The following WWOX variants were observed in gnomAD, a reference collection of about 807,000 sequenced individuals.
WWOX encodes the protein WW domain-containing oxidoreductase.
A neutral mutation model predicts 46.2 loss-of-function variants in WWOX; 69 were observed. The ratio of observed to expected loss-of-function variants is 1.49; its 90% CI spans 1.23 to 1.82. WWOX has a LOEUF of 1.82. WWOX is among the 40% of genes most tolerant of loss of function. The pLI is 0.00. For synonymous variants in WWOX, 359 were observed against 202.6 expected (o/e 1.77, Z -6.56); for missense variants, 919 against 542.6 (o/e 1.69, Z -6.89).
chr16:78,288,909 C>A (rs2079814227), intron 5 of WWOX, among the ~76,000 whole-genome samples: 1 of 152,090 alleles, frequency 6.6e-6, no homozygotes, highest in Admixed American at 6.6e-5. Flanking sequence ...ATCCTGGGGG[C>A]AGAAGAACAA....
At chr16:78,138,800 G>T (rs776810061) in intron 4 of WWOX, among the ~76,000 whole-genome samples, 1 of 152,150 alleles carries the variant, frequency 6.6e-6, no homozygotes, top group African/African-American at 2.4e-5. Flanking sequence ...TGCTTAATGC[G>T]CCACTCCACG....
At chr16:78,813,692 C>A (rs755720276) in intron 8 of WWOX, among the ~76,000 whole-genome samples, 1 of 152,042 alleles carries the variant, frequency 6.6e-6, no homozygotes, top group African/African-American at 2.4e-5. Context: ...CACATTCATT[C>A]GATGTTTGTT....
chr16:78,947,224 C>G (rs542980172), intron 8 of WWOX, among the ~76,000 whole-genome samples: 6 of 152,096 alleles, frequency 3.9e-5, no homozygotes, highest in African/African-American at 1.4e-4. Flanking sequence ...CAACTGGAGG[C>G]CTGCAAATGA....
At chr16:78,434,424 C>T (rs1388514917) in intron 8 of WWOX, among the ~76,000 whole-genome samples, 1 of 152,164 alleles carries the variant, frequency 6.6e-6, no homozygotes, top group Non-Finnish European at 1.5e-5. Context: ...GGTTATGCCT[C>T]ATACTTTGTT....
intron 8 of WWOX, among the ~76,000 whole-genome samples, chr16:78,684,028 T>G (rs897852625): frequency 6.6e-6 from 1 of 152,218 alleles, no homozygotes. Context: ...CTGCTGCTGC[T>G]GGATTTATTC....
At chr16:78,979,611 T>C (rs926666249) in intron 8 of WWOX, among the ~76,000 whole-genome samples, 2 of 152,144 alleles carry the variant, frequency 1.3e-5, no homozygotes, top group Admixed American at 1.3e-4. Flanking sequence ...AATGGGAGTT[T>C]CTACCGATGC....
At chr16:78,314,522 T>G (rs2080315411) in intron 5 of WWOX, among the ~76,000 whole-genome samples, 1 of 142,860 alleles carries the variant, frequency 7.0e-6, no homozygotes, top group Admixed American at 7.0e-5. Flanking sequence ...TGCCAATTTG[T>G]GGGGTTTTTT....
At chr16:78,289,862 C>T (rs1258491597) in intron 5 of WWOX, among the ~76,000 whole-genome samples, 1 of 139,848 alleles carries the variant, frequency 7.2e-6, no homozygotes, top group Admixed American at 7.5e-5. Flanking sequence ...GTTTTACTGG[C>T]CTACAGTGTC....
chr16:78,880,536 C>G (rs766236141), intron 8 of WWOX, among the ~76,000 whole-genome samples: 1 of 152,186 alleles, frequency 6.6e-6, no homozygotes, highest in South Asian at 2.1e-4. Context: ...ATAAGATGAA[C>G]ATTAAACAAA....
chr16:78,419,010 A>G (rs368357826), intron 6 of WWOX, among the ~76,000 whole-genome samples: 17 of 152,360 alleles, frequency 1.1e-4, no homozygotes, highest in African/African-American at 2.9e-4. Context: ...AAGTAAAACT[A>G]TCTTTATTTG....
In WWOX at chr16:79,197,177, C is replaced by G. The variant is rs191067732; in HGVS notation, c.1057-14431C>G. ...TGTACCATTCTGTCCTTCAGGTACC[C>G]TAAGCTGGTTTGGGTTTATACATTC... On this transcript the variant is annotated intron_variant, in intron 8 of 8. Coordinates refer to ENST00000566780, the MANE Select transcript of WWOX (RefSeq NM_016373.4). Among the ~76,000 whole-genome samples the G allele has an allele frequency of 1.4e-3, 219 of 152,252 alleles. 2 individuals carry two copies. Among genetic ancestry groups the G allele is most frequent in the Non-Finnish European group, 2.1e-3 (141 of 68,018 alleles).
At chr16:78,890,901 T>G (rs889908423) in intron 8 of WWOX, 4 of 152,202 alleles carry the variant, frequency 2.6e-5, no homozygotes, top group Admixed American at 6.5e-5. Context: ...ACTTAATAAC[T>G]GAATCAATCT....
intron 8 of WWOX, among the ~76,000 whole-genome samples, chr16:78,901,679 C>T (rs1035242143): frequency 2.1e-4 from 32 of 152,110 alleles, no homozygotes; most frequent in African/African-American, 6.8e-4. Context: ...TGTAGTAACA[C>T]GGTTTTTTCA....
At chr16:79,020,292 T>G (rs1335286992) in intron 8 of WWOX, among the ~76,000 whole-genome samples, 2 of 152,158 alleles carry the variant, frequency 1.3e-5, no homozygotes, top group Admixed American at 6.5e-5. Flanking sequence ...ATGGAAGACT[T>G]CTTAGGGAGG....
At chr16:78,907,780 C>G (rs949714682) in intron 8 of WWOX, among the ~76,000 whole-genome samples, 2 of 152,142 alleles carry the variant, frequency 1.3e-5, no homozygotes, top group African/African-American at 4.8e-5. Context: ...TTCAACAGAT[C>G]TAGAAATGTA....
chr16:78,851,162 A>T (rs2052433724), intron 8 of WWOX, among the ~76,000 whole-genome samples: 4 of 152,226 alleles, frequency 2.6e-5, no homozygotes, highest in South Asian at 2.1e-4. Flanking sequence ...AAACTTGCTC[A>T]TTCAGAAATT....
chr16:78,630,595 G>A (rs2046405625), intron 8 of WWOX, among the ~76,000 whole-genome samples: 1 of 152,156 alleles, frequency 6.6e-6, no homozygotes, highest in Admixed American at 6.5e-5. Context: ...TGACCCCACT[G>A]GAAGAGGACA....
At chr16:78,905,321 A>T (rs2044934037) in intron 8 of WWOX, among the ~76,000 whole-genome samples, 1 of 152,178 alleles carries the variant, frequency 6.6e-6, no homozygotes, top group Non-Finnish European at 1.5e-5. Context: ...TCTAAGAAAA[A>T]TTCTGCTTTA....
chr16:78,545,263 C>G (rs2044000704), intron 8 of WWOX, among the ~76,000 whole-genome samples: 1 of 152,136 alleles, frequency 6.6e-6, no homozygotes, highest in Non-Finnish European at 1.5e-5. Flanking sequence ...CCAGCCCCAA[C>G]TCAGGGATGT....
Sources: gnomAD v4.1 joint callset for allele counts (sites outside exome capture counted in the v4.1 genomes callset) on GRCh38, gnomAD v4.1.1 for gene constraint, MANE v1.5 for transcripts, NCBI Gene and HGNC (gene_info 2026-07-23, HGNC 2026-07-21) for gene names.